The following CLVS1 variants were observed in gnomAD, a reference collection of about 807,000 sequenced individuals.
CLVS1 encodes clavesin 1, also known as clavesin-1.
In CLVS1, 10 loss-of-function variants were observed where a neutral mutation model predicts 33.1. That is an observed-to-expected ratio of 0.30 (90% CI 0.19 to 0.51). CLVS1 has a LOEUF of 0.51. Ranked by LOEUF, CLVS1 falls within the 20% of genes least tolerant of loss-of-function variation. The probability of loss-of-function intolerance (pLI) is 0.97; values close to 1 mark genes in which losing one functional copy is unlikely to be tolerated. For missense variants in CLVS1, 343 were observed against 433.4 expected, an observed-to-expected ratio of 0.79 and a Z score of 1.85; for synonymous variants, 163 against 166.1, an observed-to-expected ratio of 0.98 and a Z score of 0.14.
At chr8:61,056,161 G>T (rs965125878), upstream of CLVS1, among the ~76,000 whole-genome samples, 3 of 152,202 alleles carry the variant, frequency 2.0e-5, no homozygotes, top group African/African-American at 7.2e-5. Flanking sequence ...CAGGGTCTGG[G>T]TAAAGAGGCA....
At chr8:61,190,505 A>G (rs989429153) in intron 2 of CLVS1, among the ~76,000 whole-genome samples, 1 of 152,080 alleles carries the variant, frequency 6.6e-6, no homozygotes, top group South Asian at 2.1e-4. Flanking sequence ...CTAGCAGAAG[A>G]CAAGAAATAA....
At chr8:61,222,458 G>A (rs1258339773) in intron 2 of CLVS1, among the ~76,000 whole-genome samples, 1 of 152,130 alleles carries the variant, frequency 6.6e-6, no homozygotes, top group Admixed American at 6.5e-5. Flanking sequence ...TTATTCAGGA[G>A]CAGGTTGTTC....
At chr8:61,187,033 C>A (rs2931310) in intron 2 of CLVS1, among the ~76,000 whole-genome samples, 3 of 152,094 alleles carry the variant, frequency 2.0e-5, no homozygotes, top group African/African-American at 7.2e-5. Flanking sequence ...AAACTTATTT[C>A]TTTTATAGCT....
At chr8:61,301,928 A>G (rs1810452767) in intron 2 of CLVS1, among the ~76,000 whole-genome samples, 5 of 152,200 alleles carry the variant, frequency 3.3e-5, no homozygotes. Context: ...TCAATTTCCA[A>G]AACATTACCT....
intron 1 of CLVS1, among the ~76,000 whole-genome samples, chr8:61,065,004 T>C (rs1420612134): frequency 3.3e-5 from 5 of 152,180 alleles, no homozygotes; most frequent in East Asian, 1.9e-4. Context: ...CGCCCAGCCA[T>C]TACTAACATT....
chr8:61,254,860 G>C (rs977049635), intron 2 of CLVS1, among the ~76,000 whole-genome samples: 2 of 152,180 alleles, frequency 1.3e-5, no homozygotes, highest in African/African-American at 4.8e-5. Flanking sequence ...CCAACCCCTT[G>C]AACTTCCCGG....
intron 1 of CLVS1, among the ~76,000 whole-genome samples, chr8:61,099,261 CA>C: frequency 6.6e-6 from 1 of 152,112 alleles, no homozygotes; most frequent in Middle Eastern, 3.4e-3. Flanking sequence ...GGTGGGCATC[CA>C]AAAGGAGAGT....
intron 2 of CLVS1, among the ~76,000 whole-genome samples, chr8:61,155,766 T>C (rs753712626): frequency 6.6e-6 from 1 of 152,114 alleles, no homozygotes; most frequent in Non-Finnish European, 1.5e-5. Context: ...TCTCTGAGGC[T>C]CTCTTTATCC....
At chr8:61,217,293 G>A (rs1486929468) in intron 2 of CLVS1, among the ~76,000 whole-genome samples, 2 of 152,174 alleles carry the variant, frequency 1.3e-5, no homozygotes, top group Non-Finnish European at 2.9e-5. Context: ...GAAGAGAATG[G>A]GAGGGGCCAA....
intron 2 of CLVS1, among the ~76,000 whole-genome samples, chr8:61,139,649 G>T (rs1367973): frequency 0.5 from 76,447 of 151,484 alleles, 19,683 homozygotes; most frequent in East Asian, 0.71. Flanking sequence ...GCGACATCCC[G>T]GCCTCAGGGG....
chr8:61,440,167 T>C (rs1816487056), intron 3 of CLVS1, among the ~76,000 whole-genome samples: 1 of 152,236 alleles, frequency 6.6e-6, no homozygotes, highest in Non-Finnish European at 1.5e-5. Context: ...TGTATATTGC[T>C]GCACCTCCTG....
intron 2 of CLVS1, among the ~76,000 whole-genome samples, chr8:61,223,272 T>A (rs1016962253): frequency 6.6e-6 from 1 of 152,230 alleles, no homozygotes; most frequent in Admixed American, 6.5e-5. Flanking sequence ...CTTCATAGTG[T>A]CATTGGTCTT....
At chr8:60,972,589 AC>A in the CLVS1 span, among the ~76,000 whole-genome samples, 36 of 152,212 alleles carry the variant, frequency 2.4e-4, no homozygotes, top group African/African-American at 8.2e-4. Context: ...ATTATTGTAG[AC>A]CTAAGGTTGG....
intron 3 of CLVS1, among the ~76,000 whole-genome samples, chr8:61,387,582 G>T (rs1458467154): frequency 6.7e-6 from 1 of 148,366 alleles, no homozygotes; most frequent in Non-Finnish European, 1.5e-5. Context: ...CCCATCACCC[G>T]AGCAGTGTAC....
chr8:61,498,270 A>T (rs976461730), intron 5 of CLVS1, among the ~76,000 whole-genome samples: 1 of 152,158 alleles, frequency 6.6e-6, no homozygotes, highest in Non-Finnish European at 1.5e-5. Flanking sequence ...GTTAGCATAA[A>T]CTACTTGGCA....
intron 2 of CLVS1, among the ~76,000 whole-genome samples, chr8:61,301,998 T>C (rs949370033): frequency 1.7e-4 from 26 of 152,138 alleles, no homozygotes; most frequent in African/African-American, 6.3e-4. Flanking sequence ...CGGGGAGACA[T>C]GGGTTTAACC....
chr8:61,070,960 T>C (rs980716198), intron 1 of CLVS1, among the ~76,000 whole-genome samples: 1 of 152,178 alleles, frequency 6.6e-6, no homozygotes, highest in African/African-American at 2.4e-5. Context: ...TGCACCCTCT[T>C]CTCTCTTGCC....
chr8:60,995,758 A>T, the CLVS1 span, among the ~76,000 whole-genome samples: 3 of 152,276 alleles, frequency 2.0e-5, no homozygotes, highest in Admixed American at 2.0e-4. Flanking sequence ...ACTTGGAACC[A>T]ACCCAAATGT....
intron 1 of CLVS1, among the ~76,000 whole-genome samples, chr8:61,084,845 T>C (rs1395463274): frequency 6.6e-6 from 1 of 152,208 alleles, no homozygotes; most frequent in Non-Finnish European, 1.5e-5. Flanking sequence ...AAGAGGCTGA[T>C]GAAACAGGTG....
Sources: gnomAD v4.1 joint callset for allele counts (sites outside exome capture counted in the v4.1 genomes callset) on GRCh38, gnomAD v4.1.1 for gene constraint, MANE v1.5 for transcripts, NCBI Gene and HGNC (gene_info 2026-07-23, HGNC 2026-07-21) for gene names.